NOL4: variants seen among roughly 807,000 people sequenced by gnomAD.
The protein encoded by NOL4 is cancer/testis antigen 125.
A neutral mutation model predicts 75.9 loss-of-function variants in NOL4; 17 were observed. The observed-to-expected ratio is 0.22, with a 90% CI of 0.15 to 0.34. The LOEUF (loss-of-function observed/expected upper bound fraction) is 0.34, where lower values mean the gene tolerates loss of function less well. Ranked by LOEUF, NOL4 falls within the 10% of genes least tolerant of loss-of-function variation. The pLI, the probability that NOL4 is intolerant of heterozygous loss-of-function variation, is 1.00. For missense variants in NOL4, 614 were observed against 793.5 expected (o/e 0.77, Z 2.72); for synonymous variants, 292 against 289.9 (o/e 1.01, Z -0.07).
chr18:34,025,240 T>C (rs2075284490), intron 5 of NOL4, among the ~76,000 whole-genome samples: 2 of 152,162 alleles, frequency 1.3e-5, no homozygotes, highest in African/African-American at 2.4e-5. Context: ...GATATGATCT[T>C]GCCCAAAGAA....
chr18:33,909,199 T>C (rs766165572), intron 9 of NOL4, among the ~76,000 whole-genome samples: 3 of 152,130 alleles, frequency 2.0e-5, no homozygotes, highest in Non-Finnish European at 4.4e-5. Flanking sequence ...TATTGAAATA[T>C]ATTACTCCAC....
At chr18:34,024,192 A>ATATATATATATATAT (rs1215950663) in intron 5 of NOL4, among the ~76,000 whole-genome samples, 6 of 76,176 alleles carry the variant, frequency 7.9e-5, no homozygotes, top group African/African-American at 2.0e-4. Context: ...AAAAAAAAAA[A>ATATATATATATATAT]AAATATATAT....
intron 5 of NOL4, among the ~76,000 whole-genome samples, chr18:34,090,872 G>T (rs1225525140): frequency 1.3e-5 from 2 of 152,092 alleles, no homozygotes; most frequent in Non-Finnish European, 2.9e-5. Context: ...AAAGTCTTTT[G>T]CAGGGGTGGT....
At chr18:34,218,328 C>T (rs534404330) in intron 1 of NOL4, among the ~76,000 whole-genome samples, 3 of 152,140 alleles carry the variant, frequency 2.0e-5, no homozygotes, top group Non-Finnish European at 1.5e-5. Context: ...GAAATATATA[C>T]GAGTGCCAAA....
At chr18:34,149,031 T>C (rs944409358) in intron 1 of NOL4, among the ~76,000 whole-genome samples, 4 of 151,752 alleles carry the variant, frequency 2.6e-5, no homozygotes, top group African/African-American at 9.7e-5. Flanking sequence ...GAGCTATCTT[T>C]TTTAGTTATT....
chr18:33,879,407 T>C (rs1313440405), intron 10 of NOL4, among the ~76,000 whole-genome samples: 2 of 152,032 alleles, frequency 1.3e-5, no homozygotes, highest in African/African-American at 4.8e-5. Flanking sequence ...CATGGTGGCT[T>C]ACACCTGTAA....
chr18:34,002,238 A>G (rs1015491137), intron 6 of NOL4, among the ~76,000 whole-genome samples: 23 of 151,908 alleles, frequency 1.5e-4, no homozygotes, highest in Admixed American at 1.1e-3. Flanking sequence ...GGCCCTCTTT[A>G]CTTTTTCAGA....
At position 34,083,480 on chromosome 18, in the gene NOL4, G is replaced by A. The variant is rs1442192771; in HGVS notation, c.772+9985C>T. Among the ~76,000 whole-genome samples the A allele has an allele frequency of 5.3e-5, 8 of 152,162 alleles. No homozygotes were observed. In the East Asian group the frequency reaches 1.5e-3, roughly 29 times the overall value. ...TTTAAGAAAGCACTAAACCAGTTTA[G>A]AGATGTACAGAAAATGAGACAAGAT... On this transcript the variant is annotated intron_variant, in intron 5 of 10. Transcript: ENST00000261592.
At chr18:34,078,410 A>G (rs1314922634) in intron 5 of NOL4, among the ~76,000 whole-genome samples, 3 of 152,198 alleles carry the variant, frequency 2.0e-5, no homozygotes, top group Admixed American at 2.0e-4. Flanking sequence ...TCTTTAAGCA[A>G]CGCCATTTCT....
At chr18:33,930,489 G>A (rs533880538) in intron 9 of NOL4, among the ~76,000 whole-genome samples, 6 of 152,166 alleles carry the variant, frequency 3.9e-5, no homozygotes, top group Non-Finnish European at 8.8e-5. Flanking sequence ...CCTACATAGG[G>A]AAAAAGTCAT....
At chr18:33,917,661 A>AT (rs201413388) in intron 9 of NOL4, among the ~76,000 whole-genome samples, 73 of 149,450 alleles carry the variant, frequency 4.9e-4, no homozygotes, top group East Asian at 1.2e-3. Context: ...CACCTAGTTA[A>AT]TTTTTTTTTT....
chr18:33,995,830 TTTACGTCC>T (rs1262814517), intron 6 of NOL4, among the ~76,000 whole-genome samples: 19 of 151,936 alleles, frequency 1.3e-4, no homozygotes, highest in African/African-American at 4.6e-4. Context: ...GAAGATTGGC[TTTACGTCC>T]TAGAATATGG....
chr18:34,180,073 T>G (rs990235756), intron 1 of NOL4, among the ~76,000 whole-genome samples: 2 of 151,508 alleles, frequency 1.3e-5, no homozygotes, highest in African/African-American at 4.8e-5. Flanking sequence ...AGAATTAACA[T>G]CTTCTCTTTA....
At chr18:34,207,011 G>C (rs1450423227) in intron 1 of NOL4, among the ~76,000 whole-genome samples, 1 of 151,882 alleles carries the variant, frequency 6.6e-6, no homozygotes, top group Non-Finnish European at 1.5e-5. Flanking sequence ...AGCCCACCTA[G>C]TGAATTTTTA....
chr18:34,003,130 C>T (rs1460058289), intron 6 of NOL4, among the ~76,000 whole-genome samples: 1 of 152,088 alleles, frequency 6.6e-6, no homozygotes, highest in Non-Finnish European at 1.5e-5. Context: ...GTTCAAAAAT[C>T]TACCCTTTCT....
intron 5 of NOL4, among the ~76,000 whole-genome samples, chr18:34,032,205 C>T (rs2075670408): frequency 6.6e-6 from 1 of 152,194 alleles, no homozygotes; most frequent in South Asian, 2.1e-4. Flanking sequence ...GTGGTGTGCA[C>T]ATTCCCCAGC....
intron 9 of NOL4, among the ~76,000 whole-genome samples, chr18:33,896,454 T>C (rs539569284): frequency 6.6e-5 from 10 of 151,988 alleles, no homozygotes; most frequent in Non-Finnish European, 4.4e-5. Context: ...TGGAGCAAAA[T>C]AGAGGGCCCC....
chr18:33,953,188 C>T (rs373351569), intron 8 of NOL4, among the ~76,000 whole-genome samples: 3 of 102,476 alleles, frequency 2.9e-5, no homozygotes, highest in Admixed American at 9.4e-5. Flanking sequence ...AGAAGAAAAG[C>T]GTTTTAATCT....
intron 10 of NOL4, among the ~76,000 whole-genome samples, chr18:33,856,685 G>T (rs1478626936): frequency 6.6e-6 from 1 of 151,998 alleles, no homozygotes; most frequent in African/African-American, 2.4e-5. Context: ...ACAGGGGTTG[G>T]TGAAATTTTT....
Sources: gnomAD v4.1 joint callset for allele counts (sites outside exome capture counted in the v4.1 genomes callset) on GRCh38, gnomAD v4.1.1 for gene constraint, MANE v1.5 for transcripts, NCBI Gene and HGNC (gene_info 2026-07-23, HGNC 2026-07-21) for gene names.